Variants in ACTR3C observed in about 807,000 individuals in gnomAD.
ACTR3C encodes the protein actin-related protein 3C.
ACTR3C carries 18 observed loss-of-function variants against 26.3 expected under a neutral mutation model. The ratio of observed to expected loss-of-function variants is 0.68; its 90% CI spans 0.47 to 1.01. ACTR3C has a LOEUF of 1.01. Ranked by LOEUF, ACTR3C falls within the 50% of genes least tolerant of loss-of-function variation. ACTR3C has a pLI of 0.00. For missense variants in ACTR3C, 184 were observed against 250.7 expected (o/e 0.73, Z 1.80); for synonymous variants, 55 against 94.5 (o/e 0.58, Z 2.42).
At chr7:150,112,608 T>G in the ACTR3C span, among the ~76,000 whole-genome samples, 1 of 152,254 alleles carries the variant, frequency 6.6e-6, no homozygotes, top group South Asian at 2.1e-4. Context: ...CTTGTCACCC[T>G]CAGTTTGATG....
chr7:149,902,245 A>G, the ACTR3C span, among the ~76,000 whole-genome samples: 1 of 151,746 alleles, frequency 6.6e-6, no homozygotes, highest in African/African-American at 2.4e-5. Context: ...TTCCTATCTT[A>G]TGCAAACTGT....
At chr7:150,300,213 T>G (rs1456682196) in intron 1 of ACTR3C, among the ~76,000 whole-genome samples, 1 of 151,944 alleles carries the variant, frequency 6.6e-6, no homozygotes, top group Non-Finnish European at 1.5e-5. Flanking sequence ...TAGCCAGGCT[T>G]GGTGGCACAT....
the ACTR3C span, among the ~76,000 whole-genome samples, chr7:150,135,632 A>G: frequency 6.6e-6 from 1 of 152,206 alleles, no homozygotes; most frequent in African/African-American, 2.4e-5. Context: ...ATATTATGAG[A>G]TACACTGGAT....
the ACTR3C span, among the ~76,000 whole-genome samples, chr7:149,945,778 G>A: frequency 3.9e-5 from 6 of 152,198 alleles, no homozygotes; most frequent in Admixed American, 3.9e-4. Context: ...GGGAAGCACT[G>A]GGGAGGCCAT....
At chr7:150,171,841 C>A in the ACTR3C span, among the ~76,000 whole-genome samples, 2 of 149,594 alleles carry the variant, frequency 1.3e-5, no homozygotes, top group African/African-American at 5.1e-5. Context: ...TTGAGATAGT[C>A]TCACTCTGTT....
At chr7:149,998,873 G>A in the ACTR3C span, among the ~76,000 whole-genome samples, 1 of 150,662 alleles carries the variant, frequency 6.6e-6, no homozygotes, top group South Asian at 2.2e-4. Flanking sequence ...AAGGGGCTGC[G>A]CTGCTGTCTC....
the ACTR3C span, among the ~76,000 whole-genome samples, chr7:150,086,184 A>G: frequency 6.6e-6 from 1 of 152,074 alleles, no homozygotes; most frequent in Non-Finnish European, 1.5e-5. Context: ...GGGTTTCACC[A>G]TGTTGGGCAG....
chr7:150,091,987 CAAAAAAAAAAAAAAAAAAA>C, the ACTR3C span, among the ~76,000 whole-genome samples: 1 of 19,414 alleles, frequency 5.2e-5, no homozygotes, highest in East Asian at 4.4e-3. Flanking sequence ...GACTCCGTCT[CAAAAAAAAAAAAAAAAAAA>C]AAAAAAAAAA....
At chr7:150,053,788 G>C in the ACTR3C span, among the ~76,000 whole-genome samples, 1 of 152,222 alleles carries the variant, frequency 6.6e-6, no homozygotes, top group Non-Finnish European at 1.5e-5. Context: ...ACAGAAAGTG[G>C]AAAACTTGAC....
the ACTR3C span, among the ~76,000 whole-genome samples, chr7:150,034,495 A>G: frequency 6.6e-6 from 1 of 151,440 alleles, no homozygotes; most frequent in African/African-American, 2.4e-5. Context: ...TTGTGACCTC[A>G]TACAAAGGCT....
At chr7:149,945,264 G>T in the ACTR3C span, among the ~76,000 whole-genome samples, 1 of 151,208 alleles carries the variant, frequency 6.6e-6, no homozygotes, top group South Asian at 2.1e-4. Flanking sequence ...CTTCACAGCT[G>T]GTCCCTGAGG....
the ACTR3C span, among the ~76,000 whole-genome samples, chr7:150,048,177 A>G: frequency 3.3e-5 from 5 of 151,564 alleles, no homozygotes; most frequent in Non-Finnish European, 5.9e-5. Flanking sequence ...AATCAAAGAG[A>G]TTGAAGGAAG....
chr7:150,303,651 C>T (rs1795602845), intron 1 of ACTR3C, among the ~76,000 whole-genome samples: 1 of 152,190 alleles, frequency 6.6e-6, no homozygotes, highest in Non-Finnish European at 1.5e-5. Context: ...CCGTCTTCCT[C>T]AACCTCCCAT....
At chr7:150,197,580 G>C in the ACTR3C span, among the ~76,000 whole-genome samples, 1 of 152,134 alleles carries the variant, frequency 6.6e-6, no homozygotes, top group Admixed American at 6.5e-5. Context: ...AAACTGGAAA[G>C]TAACCTCACA....
the ACTR3C span, among the ~76,000 whole-genome samples, chr7:149,953,183 G>C: frequency 6.7e-6 from 1 of 149,094 alleles, no homozygotes; most frequent in East Asian, 1.9e-4. Flanking sequence ...AAAGCAGCAG[G>C]TTACAGAATA....
intron 1 of ACTR3C, among the ~76,000 whole-genome samples, chr7:150,300,438 C>T (rs1317223964): frequency 6.6e-6 from 1 of 152,156 alleles, no homozygotes; most frequent in East Asian, 1.9e-4. Flanking sequence ...GGAACATGAA[C>T]AATCAGCTGG....
At chr7:149,898,012 C>T in the ACTR3C span, among the ~76,000 whole-genome samples, 4 of 152,204 alleles carry the variant, frequency 2.6e-5, no homozygotes, top group African/African-American at 4.8e-5. Flanking sequence ...CATTGCAACT[C>T]ACTGCCACAT....
the ACTR3C span, among the ~76,000 whole-genome samples, chr7:149,968,435 A>G: frequency 2.0e-5 from 3 of 152,192 alleles, no homozygotes; most frequent in African/African-American, 7.2e-5. Context: ...CGGGAGGCTG[A>G]GGCAGGAGAA....
At chr7:150,036,343 C>T in the ACTR3C span, among the ~76,000 whole-genome samples, 1 of 147,716 alleles carries the variant, frequency 6.8e-6, no homozygotes. Context: ...GCAACCCTGT[C>T]TAGTTGTTTA....
Sources: gnomAD v4.1 joint callset for allele counts (sites outside exome capture counted in the v4.1 genomes callset) on GRCh38, gnomAD v4.1.1 for gene constraint, MANE v1.5 for transcripts, NCBI Gene and HGNC (gene_info 2026-07-23, HGNC 2026-07-21) for gene names.